NOD2: variants seen among roughly 807,000 people sequenced by gnomAD.
NOD2 encodes nucleotide-binding oligomerization domain-containing protein 2.
Under a neutral mutation model 90.9 loss-of-function variants are expected in NOD2, and 86 were observed. The observed-to-expected ratio is 0.95, with a 90% CI of 0.79 to 1.13. The LOEUF (loss-of-function observed/expected upper bound fraction) is 1.13. NOD2 is among the 50% of genes most tolerant of loss of function. The pLI is 0.00. For missense variants in NOD2, 1,238 were observed against 1,283.8 expected (o/e 0.96, Z 0.55); for synonymous variants, 581 against 554.6 (o/e 1.05, Z -0.67).
At chr16:50,726,927 A>G (rs7187857) in intron 10 of NOD2, among the ~76,000 whole-genome samples, 91,517 of 151,794 alleles carry the variant, frequency 0.6, 28,499 homozygotes, top group Non-Finnish European at 0.67. Context: ...GATCACCTGA[A>G]GTGGGGAGTT....
chr16:50,702,780 A>G (rs1964000015), intron 2 of NOD2, among the ~76,000 whole-genome samples: 1 of 152,238 alleles, frequency 6.6e-6, no homozygotes, highest in Non-Finnish European at 1.5e-5. Context: ...CAATGAAGAA[A>G]CTGCCCAAAT....
chr16:50,702,030 C>T (rs8045009), intron 2 of NOD2, among the ~76,000 whole-genome samples: 50,071 of 152,002 alleles, frequency 0.33, 8,924 homozygotes, highest in Non-Finnish European at 0.39. Context: ...ACTGAAGTCT[C>T]GAACTTCTGG....
chr16:50,707,948 CT>C lies in NOD2; in HGVS notation c.554del (p.Leu185ArgfsTer15). The C allele has an allele frequency of 3.1e-6, 5 of 1,610,100 alleles. No individual in the cohort carries two copies. Among genetic ancestry groups the C allele is most frequent in the Non-Finnish European group, 3.4e-6 (4 of 1,176,326 alleles). ...HVQELPVPLA[L>X]PLEAATCKKY... ...TCAGGAATTACCAGTCCCATTGGCC[CT>C]GCCTTTGGAAGGTAGGTGTATGTTC... is the stretch of plus-strand genomic sequence containing the variant. On this transcript the variant is annotated frameshift_variant, in exon 3 of 12. Coordinates refer to ENST00000647318, the MANE Select transcript of NOD2 (RefSeq NM_001370466.1). LOFTEE classifies it high-confidence loss of function.
chr16:50,725,280 G>A (rs1965224506), intron 9 of NOD2, among the ~76,000 whole-genome samples: 1 of 152,218 alleles, frequency 6.6e-6, no homozygotes, highest in South Asian at 2.1e-4. Flanking sequence ...GGGGATCAGG[G>A]AACTTATTAC....
intron 4 of NOD2, among the ~76,000 whole-genome samples, chr16:50,714,577 C>T (rs1299178582): frequency 6.6e-6 from 1 of 150,488 alleles, no homozygotes; most frequent in African/African-American, 2.5e-5. Context: ...GGAGGGGAAG[C>T]AACCATGAGG....
intron 11 of NOD2, among the ~76,000 whole-genome samples, chr16:50,730,801 A>G (rs1965427831): frequency 6.6e-6 from 1 of 152,210 alleles, no homozygotes; most frequent in African/African-American, 2.4e-5. Flanking sequence ...TTGGCAACTC[A>G]TTCCCATAAG....
At chr16:50,707,657 C>G (rs1964259468) in intron 2 of NOD2, among the ~76,000 whole-genome samples, 198 bp from the exon 3 acceptor site, 1 of 152,134 alleles carries the variant, frequency 6.6e-6, no homozygotes, top group African/African-American at 2.4e-5. Flanking sequence ...TGAGTAGGAG[C>G]CAGATTGGAT....
intron 2 of NOD2, 84 bp downstream of exon 2, chr16:50,700,038 C>G: frequency 7.5e-7 from 1 of 1,330,204 alleles, no homozygotes; most frequent in South Asian, 1.2e-5. Context: ...ATGAAGTCAG[C>G]CTGTGGGGTA....
At chr16:50,722,585 C>A in intron 7 of NOD2, 37 bp from the exon 8 acceptor site, 1 of 1,577,234 alleles carries the variant, frequency 6.3e-7, no homozygotes, top group South Asian at 1.1e-5. Context: ...ATCAGGTACT[C>A]ACTGACACTG....
Position 50,711,396 on chromosome 16 carries a change from C to T in NOD2, c.1404C>T (p.Cys468=). The T allele has an allele frequency of 6.2e-7, 1 of 1,613,698 alleles. No homozygotes were observed. The highest frequency in any genetic ancestry group is 8.5e-7 in the Non-Finnish European group (1 of 1,180,034). Residue 468 remains cysteine, a synonymous_variant, in exon 4 of 12, where the codon TGC becomes TGT. Coordinates refer to ENST00000647318, the MANE Select transcript of NOD2 (RefSeq NM_001370466.1). The part of the protein sequence containing the change: ...LPVFSWMVSK[C]HQELLLQEGG... ...TCTTCTCATGGATGGTGTCCAAATG[C>T]CACCAGGAACTGTTGCTGCAGGAGG...
At chr16:50,715,045 C>A (rs772500294) in intron 4 of NOD2, among the ~76,000 whole-genome samples, 67 of 152,278 alleles carry the variant, frequency 4.4e-4, no homozygotes, top group Middle Eastern at 3.4e-3. Flanking sequence ...TTTGCATGAC[C>A]TGCAACCTGC....
intron 4 of NOD2, among the ~76,000 whole-genome samples, chr16:50,714,915 T>C (rs1337259853): frequency 1.3e-5 from 2 of 152,186 alleles, no homozygotes; most frequent in African/African-American, 4.8e-5. Flanking sequence ...CGCACCACCA[T>C]GTAAACATGG....
chr16:50,719,721 G>T, intron 6 of NOD2: 1 of 694,062 alleles, frequency 1.4e-6, no homozygotes, highest in Non-Finnish European at 2.6e-6. Flanking sequence ...GCGTCCCGCT[G>T]CCCCTTTCCC....
chr16:50,729,525 A>G (rs1965380534), intron 10 of NOD2, among the ~76,000 whole-genome samples: 1 of 152,174 alleles, frequency 6.6e-6, no homozygotes, highest in Non-Finnish European at 1.5e-5. Flanking sequence ...TGTAGGTGGG[A>G]TTTAAACCCA....
chr16:50,730,172 G>A (rs1374920492), intron 11 of NOD2, among the ~76,000 whole-genome samples: 1 of 152,212 alleles, frequency 6.6e-6, no homozygotes, highest in Non-Finnish European at 1.5e-5. Flanking sequence ...GAATGGGGAT[G>A]TGGTTGAAGA....
At chr16:50,725,291 A>G (rs890063001) in intron 9 of NOD2, among the ~76,000 whole-genome samples, 198 bp from the exon 10 acceptor site, 5 of 152,214 alleles carry the variant, frequency 3.3e-5, no homozygotes, top group Non-Finnish European at 7.3e-5. Context: ...AACTTATTAC[A>G]TTGAGAGCCC....
At chr16:50,702,503 G>A (rs930803148) in intron 2 of NOD2, among the ~76,000 whole-genome samples, 1 of 152,190 alleles carries the variant, frequency 6.6e-6, no homozygotes, top group Non-Finnish European at 1.5e-5. Flanking sequence ...CATTTGGATG[G>A]TGCTTGTGGT....
chr16:50,702,324 T>C (rs966254283), intron 2 of NOD2, among the ~76,000 whole-genome samples: 1 of 152,198 alleles, frequency 6.6e-6, no homozygotes, highest in Middle Eastern at 3.4e-3. Flanking sequence ...CTGAGCTGAG[T>C]GGGTAGCAGG....
Position 50,723,437 on chromosome 16 carries a change from T to A in NOD2, c.2801+53T>A. On this transcript the variant is annotated intron_variant, in intron 9 of 11. Transcript: ENST00000647318. ...GGAAGTGGATCACAATCTCTGTTGA[T>A]CCCCTGGCCTCATCCATAGGAGCGG... 3.3e-6 allele frequency: 5 copies of A among 1,517,114 alleles called. No individual in the cohort carries two copies. The South Asian group carries it at 5.6e-5, about 17-fold the overall frequency. The allele number at this position is 1,517,114 out of a possible 1,614,324, so 94.0% of individuals were successfully genotyped here.
Sources: allele counts gnomAD v4.1 joint callset (sites outside exome capture counted in the v4.1 genomes callset), GRCh38; gene constraint gnomAD v4.1.1; transcripts MANE v1.5; gene names NCBI Gene and HGNC (gene_info 2026-07-23, HGNC 2026-07-21).